CAST: variants seen among roughly 807,000 people sequenced by gnomAD.
CAST encodes calpastatin.
In CAST, 76 loss-of-function variants were observed where a neutral mutation model predicts 119.6. That is an observed-to-expected ratio of 0.64 (90% CI 0.53 to 0.77). CAST has a LOEUF of 0.77. Among genes scored for constraint, CAST ranks in the 30% least tolerant of loss-of-function variants. The pLI, the probability that CAST is intolerant of heterozygous loss-of-function variation, is 0.00. For synonymous variants in CAST, 319 were observed against 331.6 expected (o/e 0.96, Z 0.41); for missense variants, 953 against 946.5 (o/e 1.01, Z -0.09).
the CAST span, among the ~76,000 whole-genome samples, chr5:96,281,145 C>T: frequency 6.6e-6 from 1 of 152,164 alleles, no homozygotes; most frequent in Non-Finnish European, 1.5e-5. Flanking sequence ...ATGTCATATG[C>T]ATTATTGAGA....
At chr5:96,729,572 G>A (rs1415613545) in intron 7 of CAST, 40 bp from the exon 8 acceptor site, 1 of 810,426 alleles carries the variant, frequency 1.2e-6, no homozygotes, top group Non-Finnish European at 2.2e-6. Context: ...TGTTAACAAT[G>A]TCTTTATATG....
chr5:96,602,024 C>A (rs1228588329), intron 1 of CAST, among the ~76,000 whole-genome samples: 2 of 152,190 alleles, frequency 1.3e-5, no homozygotes. Flanking sequence ...TCTTGAGTGG[C>A]AGGCAGCTCT....
the CAST span, among the ~76,000 whole-genome samples, chr5:96,435,945 T>C: frequency 6.6e-6 from 1 of 152,208 alleles, no homozygotes; most frequent in Admixed American, 6.5e-5. Context: ...CTAAACAATG[T>C]ACCCAATATT....
chr5:96,085,387 C>T, the CAST span, among the ~76,000 whole-genome samples: 1 of 152,118 alleles, frequency 6.6e-6, no homozygotes, highest in African/African-American at 2.4e-5. Flanking sequence ...GTGGAGGTGG[C>T]ATTTGAACTA....
the CAST span, among the ~76,000 whole-genome samples, chr5:96,000,618 A>T: frequency 2.6e-5 from 4 of 152,294 alleles, no homozygotes; most frequent in East Asian, 7.7e-4. Context: ...GAACACAGGG[A>T]TGTACCAATT....
At chr5:96,056,973 C>T in the CAST span, among the ~76,000 whole-genome samples, 1 of 152,098 alleles carries the variant, frequency 6.6e-6, no homozygotes, top group Non-Finnish European at 1.5e-5. Flanking sequence ...GAATGCTTCT[C>T]AGATTGGGCA....
At chr5:96,677,589 A>G (rs1332056611) in intron 2 of CAST, among the ~76,000 whole-genome samples, 2 of 152,206 alleles carry the variant, frequency 1.3e-5, no homozygotes, top group African/African-American at 4.8e-5. Context: ...TCTTTTCTTT[A>G]TTGGCATAGC....
the CAST span, among the ~76,000 whole-genome samples, chr5:96,070,204 G>A: frequency 6.6e-6 from 1 of 152,162 alleles, no homozygotes; most frequent in African/African-American, 2.4e-5. Context: ...CCCTAGTCAA[G>A]TAATTATTCC....
the CAST span, among the ~76,000 whole-genome samples, chr5:96,310,550 T>C: frequency 5.1e-5 from 7 of 136,542 alleles, no homozygotes; most frequent in African/African-American, 1.8e-4. Context: ...AGTGAAGCAA[T>C]CAGGTCTTAG....
At chr5:96,277,366 G>GTT in the CAST span, among the ~76,000 whole-genome samples, 148 of 151,402 alleles carry the variant, frequency 9.8e-4, no homozygotes, top group Non-Finnish European at 6.8e-4. Context: ...CTTTTATATT[G>GTT]GTTTTTTTTT....
chr5:96,712,014 C>T (rs570537204), intron 3 of CAST, among the ~76,000 whole-genome samples: 1 of 152,154 alleles, frequency 6.6e-6, no homozygotes, highest in Admixed American at 6.5e-5. Flanking sequence ...ACACCCTTAT[C>T]CTATAGGAAA....
At position 96,770,478 on chromosome 5, in the gene CAST, T is replaced by C. The variant is rs1402096045; in HGVS notation, c.2269-53T>C. 8 of 1,118,238 alleles carry C rather than the reference T, an allele frequency of 7.2e-6. No homozygotes were observed. In the African/African-American group the frequency reaches 1.2e-4, roughly 17 times the overall value. 69.3% of individuals were successfully genotyped at this position (1,118,238 alleles called of 1,614,324 possible). ...ATTAATTTAACTGCAGCCTAGTTAA[T>C]TGCTAGATGGATTGGTGATAGCCAT... is the stretch of plus-strand genomic sequence containing the variant. On this transcript the variant is annotated intron_variant, in intron 29 of 31. Coordinates refer to ENST00000675179, the MANE Select transcript of CAST (RefSeq NM_001750.7).
chr5:96,361,269 T>C, the CAST span, among the ~76,000 whole-genome samples: 109,295 of 152,086 alleles, frequency 0.72, 40,509 homozygotes, highest in African/African-American at 0.91. Flanking sequence ...TGCTGGGCTC[T>C]GCGGGGGTGG....
chr5:96,642,533 CAT>C (rs1747963621), intron 1 of CAST, among the ~76,000 whole-genome samples: 1 of 146,282 alleles, frequency 6.8e-6, no homozygotes, highest in Admixed American at 7.0e-5. Context: ...AAATAAAGCA[CAT>C]ATAGTTCCTT....
chr5:96,288,440 C>T, the CAST span, among the ~76,000 whole-genome samples: 1 of 152,088 alleles, frequency 6.6e-6, no homozygotes, highest in Non-Finnish European at 1.5e-5. Context: ...CAGCCATGCT[C>T]CTTTCCTCAG....
chr5:96,708,838 G>T (rs937229926), intron 3 of CAST, among the ~76,000 whole-genome samples: 2 of 152,168 alleles, frequency 1.3e-5, no homozygotes, highest in African/African-American at 4.8e-5. Context: ...GAGCTGCTGC[G>T]CCCAGCCTGT....
At chr5:96,273,404 G>T in the CAST span, among the ~76,000 whole-genome samples, 1 of 152,192 alleles carries the variant, frequency 6.6e-6, no homozygotes, top group Non-Finnish European at 1.5e-5. Context: ...CTAGAGAATA[G>T]CAGGAGTCAG....
chr5:96,165,356 C>G, the CAST span, among the ~76,000 whole-genome samples: 1 of 151,998 alleles, frequency 6.6e-6, no homozygotes, highest in South Asian at 2.1e-4. Flanking sequence ...GGAGTTTAAA[C>G]CAGAAAAGTC....
chr5:96,354,257 T>C, the CAST span, among the ~76,000 whole-genome samples: 1 of 152,210 alleles, frequency 6.6e-6, no homozygotes, highest in Admixed American at 6.5e-5. Context: ...ACAGGATTTT[T>C]AAAAACTTTT....
Sources: gnomAD v4.1 joint callset for allele counts (sites outside exome capture counted in the v4.1 genomes callset) on GRCh38, gnomAD v4.1.1 for gene constraint, MANE v1.5 for transcripts, NCBI Gene and HGNC (gene_info 2026-07-23, HGNC 2026-07-21) for gene names.